Variants in LOXL4 observed in about 807,000 individuals in gnomAD.
LOXL4 encodes the protein lysyl oxidase homolog 4.
LOXL4 carries 72 observed loss-of-function variants against 89.1 expected under a neutral mutation model. The observed-to-expected ratio is 0.81, with a 90% CI of 0.67 to 0.98. The LOEUF (loss-of-function observed/expected upper bound fraction) is 0.98. LOXL4 is among the 50% of genes least tolerant of loss of function. LOXL4 has a pLI of 0.00. For synonymous variants in LOXL4, 355 were observed against 392.1 expected (o/e 0.91, Z 1.12); for missense variants, 984 against 1,017.5 (o/e 0.97, Z 0.45).
At chr10:98,263,128 TG>T in intron 1 of LOXL4, 77 bp from the exon 2 acceptor site, 1 of 1,243,842 alleles carries the variant, frequency 8.0e-7, no homozygotes, top group Non-Finnish European at 1.1e-6. Flanking sequence ...TGGCAGCTCC[TG>T]GCAAGACAAA....
chr10:98,262,587 G>T (rs1302230800), intron 2 of LOXL4, among the ~76,000 whole-genome samples, 156 bp downstream of exon 2: 6 of 152,198 alleles, frequency 3.9e-5, no homozygotes, highest in African/African-American at 1.4e-4. Context: ...GGGAGGGTGG[G>T]AGTAGGGGCC....
rs1858532723 is a variant in LOXL4, at chr10:98,261,260, G to A, written c.457-133C>T. On this transcript the variant is annotated intron_variant, in intron 3 of 14. Coordinates refer to ENST00000260702, the MANE Select transcript of LOXL4 (RefSeq NM_032211.7). ...TCCCACCCAGCCCGGTCATTGAACAGGCCAGGAAACTGAGGCCCAGAGAAG... is the reference window on the plus strand; with the variant it reads ...TCCCACCCAGCCCGGTCATTGAACAAGCCAGGAAACTGAGGCCCAGAGAAG... The A allele has an allele frequency of 5.5e-6, 5 of 916,414 alleles. No homozygotes were observed. In the East Asian group the frequency reaches 1.1e-4, roughly 19 times the overall value. 56.8% of individuals were successfully genotyped at this position (916,414 alleles called of 1,614,324 possible). A position where few individuals can be genotyped will look rare whatever the true frequency, so the allele number is the denominator to read the frequency against.
At chr10:98,266,108 G>A (rs977884928) in intron 1 of LOXL4, among the ~76,000 whole-genome samples, 1 of 152,156 alleles carries the variant, frequency 6.6e-6, no homozygotes, top group Non-Finnish European at 1.5e-5. Flanking sequence ...TGGAGTAGGA[G>A]GTAGACAGCC....
At chr10:98,264,956 C>T (rs551467243) in intron 1 of LOXL4, among the ~76,000 whole-genome samples, 11 of 152,342 alleles carry the variant, frequency 7.2e-5, no homozygotes, top group Admixed American at 6.5e-4. Context: ...TGGCATCTGC[C>T]CTACTCCCTC....
intron 2 of LOXL4, 92 bp downstream of exon 2, chr10:98,262,651 G>A: frequency 1.4e-6 from 2 of 1,459,164 alleles, no homozygotes; most frequent in Non-Finnish European, 1.9e-6. Context: ...ACATGAGCAG[G>A]GTATTAAAGG....
At position 98,251,607 on chromosome 10, in the gene LOXL4, C is replaced by A. The variant is rs748731372; in HGVS notation, c.2047G>T (p.Val683Leu). 14 of 1,614,256 alleles carry A rather than the reference C, an allele frequency of 8.7e-6. No individual in the cohort carries two copies. The East Asian group carries it at 3.1e-4, about 36-fold the overall frequency. Reference protein sequence around the residue: ...TYRHDIDCQWVDITDVGPGNY... With the variant: ...TYRHDIDCQWLDITDVGPGNY... Reference sequence around the variant, plus strand: ...CCGGGGCCCACATCTGTGATATCCACCCACTGGCAATCAATGTCATGCCGG... The same window carrying A: ...CCGGGGCCCACATCTGTGATATCCAACCACTGGCAATCAATGTCATGCCGG... Residue 683 changes from valine to leucine, a missense_variant, in exon 13 of 15, where the codon GTG (valine) becomes TTG (leucine). Physicochemically the swap from Val to Leu is conservative, Grantham distance 32. Coordinates refer to ENST00000260702, the MANE Select transcript of LOXL4 (RefSeq NM_032211.7).
intron 10 of LOXL4, among the ~76,000 whole-genome samples, chr10:98,254,583 A>C (rs2135828879): frequency 6.6e-6 from 1 of 152,368 alleles, no homozygotes; most frequent in East Asian, 1.9e-4. Context: ...AAAGAAAGCA[A>C]TGTGAAAAGC....
chr10:98,267,594 C>T (rs1019153466), intron 1 of LOXL4, among the ~76,000 whole-genome samples: 2 of 152,138 alleles, frequency 1.3e-5, no homozygotes, highest in Admixed American at 1.3e-4. Flanking sequence ...ACTCTGTGGA[C>T]CTGAAGCAGT....
chr10:98,264,577 G>T (rs760447561), intron 1 of LOXL4, among the ~76,000 whole-genome samples: 2 of 151,952 alleles, frequency 1.3e-5, no homozygotes, highest in Admixed American at 1.3e-4. Context: ...GTCTCCAGGA[G>T]GCTGTAATCA....
intron 13 of LOXL4, 144 bp from the exon 14 acceptor site, chr10:98,251,320 T>A (rs11189523): frequency 0.43 from 340,971 of 792,556 alleles, 76,221 homozygotes; most frequent in South Asian, 0.57. Flanking sequence ...ATGTTCCCAT[T>A]TTACAGATAG....
At chr10:98,258,947 C>A in intron 6 of LOXL4, 62 bp downstream of exon 6, 1 of 1,369,336 alleles carries the variant, frequency 7.3e-7, no homozygotes, top group Non-Finnish European at 9.9e-7. Context: ...GCACCCCCCA[C>A]CAGGCAGTGT....
At chr10:98,250,158 C>T (rs962399485) in intron 14 of LOXL4, among the ~76,000 whole-genome samples, 2 of 152,200 alleles carry the variant, frequency 1.3e-5, no homozygotes, top group African/African-American at 4.8e-5. Flanking sequence ...TCGGGTGACG[C>T]CTTCCAAAGC....
Position 98,257,590 on chromosome 10 carries a change from TG to T in LOXL4, c.1260+59del, listed in dbSNP as rs143601032. ...TCCCCGCTAGCTCGATGTGGTGTCC[TG>T]GGGACTCCCCAGGGTTTCCCGGCCC... On this transcript the variant is annotated intron_variant, in intron 8 of 14. Transcript: ENST00000260702. 226 of 1,571,082 alleles carry T rather than the reference TG, an allele frequency of 1.4e-4. No individual in the cohort carries two copies. In the African/African-American group the frequency reaches 2.8e-3, roughly 20 times the overall value.
At position 98,258,059 on chromosome 10, in the gene LOXL4, T is replaced by C. The variant is rs1303064346; in HGVS notation, c.1027A>G (p.Ile343Val). Residue 343 changes from isoleucine to valine, a missense_variant, in exon 7 of 15, where the codon ATC becomes GTC. By Grantham distance (29) the Ile-to-Val change is conservative (BLOSUM62 3). Transcript: ENST00000260702. The part of the protein sequence containing the change: ...GTVCDHRWNL[I>V]SASVVCRQLG... The stretch of plus-strand genomic sequence containing the variant: ...TGACGACACACGACACTGGCAGAGA[T>C]GAGGTTCCACCTGTGGTCACAGACC... 23 of 1,611,580 alleles carry C rather than the reference T, an allele frequency of 1.4e-5. No individual in the cohort carries two copies. Among genetic ancestry groups the C allele is most frequent in the Non-Finnish European group, 2.0e-5 (23 of 1,178,256 alleles).
At chr10:98,249,104 T>G in intron 14 of LOXL4, 113 bp from the exon 15 acceptor site, 1 of 780,782 alleles carries the variant, frequency 1.3e-6, no homozygotes, top group Non-Finnish European at 2.2e-6. Context: ...AGTCATGGCA[T>G]GGGCACAGAC....
At chr10:98,262,624 G>T in intron 2 of LOXL4, 119 bp downstream of exon 2, 1 of 1,263,666 alleles carries the variant, frequency 7.9e-7, no homozygotes, top group Non-Finnish European at 1.1e-6. Flanking sequence ...CTCAGGAAAT[G>T]CCGTGTGGAG....
At chr10:98,261,848 C>A (rs1213973877) in intron 3 of LOXL4, among the ~76,000 whole-genome samples, 187 bp downstream of exon 3, 2 of 152,214 alleles carry the variant, frequency 1.3e-5, no homozygotes, top group Non-Finnish European at 2.9e-5. Context: ...GCCTGCCTTG[C>A]CTCAGGCTGG....
In LOXL4 at chr10:98,257,665, C is replaced by A. The variant is rs1858416433; in HGVS notation, c.1245G>T (p.Met415Ile). 1 of 1,613,704 alleles carries A rather than the reference C, an allele frequency of 6.2e-7. No individual in the cohort carries two copies. The change falls in exon 8 of 15, where the codon ATG (methionine) becomes ATT (isoleucine). Residue 415 changes from methionine to isoleucine, a missense_variant. Transcript: ENST00000260702. ...CCAAACTCACCTGATTCTGAAAGCC[C>A]ATGTTAGGGACATTGCACCTGACAG... ...DAAVRCNVPN[M>I]GFQNQVRLAG...
At chr10:98,265,167 G>T (rs1291219448) in intron 1 of LOXL4, among the ~76,000 whole-genome samples, 2 of 152,184 alleles carry the variant, frequency 1.3e-5, no homozygotes, top group Non-Finnish European at 2.9e-5. Flanking sequence ...AGCACAGGCT[G>T]GGCGGTCAGA....
Sources: allele counts gnomAD v4.1 joint callset (sites outside exome capture counted in the v4.1 genomes callset), GRCh38; gene constraint gnomAD v4.1.1; transcripts MANE v1.5; gene names NCBI Gene and HGNC (gene_info 2026-07-23, HGNC 2026-07-21).